Variants in CD177 observed in about 807,000 individuals in gnomAD.
CD177 encodes the protein CD177 molecule.
A neutral mutation model predicts 38.1 loss-of-function variants in CD177; 41 were observed. That is an observed-to-expected ratio of 1.07 (90% CI 0.84 to 1.39). The LOEUF (loss-of-function observed/expected upper bound fraction) is 1.39, where lower values mean the gene tolerates loss of function less well. Ranked by LOEUF, CD177 falls within the 40% of genes most tolerant of loss-of-function variation. The pLI is 0.00. For missense variants in CD177, 619 were observed against 523.8 expected, an observed-to-expected ratio of 1.18 and a Z score of -1.77; for synonymous variants, 236 against 216.7, an observed-to-expected ratio of 1.09 and a Z score of -0.78.
chr19:43,362,437 C>T lies in CD177; in HGVS notation c.*117C>T. The T allele has an allele frequency of 1.7e-6, 1 of 587,574 alleles. No homozygotes were observed. Among genetic ancestry groups the T allele is most frequent in the Non-Finnish European group, 3.0e-6 (1 of 328,890 alleles). The allele number at this position is 587,574 out of a possible 1,614,324, so 36.4% of individuals were successfully genotyped here. On this transcript the variant is annotated 3_prime_UTR_variant, in exon 9 of 9. Transcript: ENST00000618265. The stretch of plus-strand genomic sequence containing the variant: ...CTTTCCCATTCTGTCCATGAATCAT[C>T]TTCCCCACACACAATCATTCATATC...
At chr19:43,361,665 A>T in intron 8 of CD177, 86 bp downstream of exon 8, 1 of 1,373,354 alleles carries the variant, frequency 7.3e-7, no homozygotes, top group Non-Finnish European at 9.9e-7. Context: ...GGGGGCCTGG[A>T]CTCCTGGTCC....
In CD177 at chr19:43,354,236, GGCT is replaced by G. The variant is rs1224483962; in HGVS notation, c.226_228del (p.Cys76del). ...CCAAGTGAGCCTGGTGCTCTCCAAG[GGCT>G]GCACGGAGGCCAAGGACCAGGAGCC... On this transcript the variant is annotated inframe_deletion, in exon 3 of 9. Transcript: ENST00000618265. 1.9e-6 allele frequency: 3 copies of G among 1,613,610 alleles called. No homozygotes were observed. In the Admixed American group the frequency reaches 5.0e-5, roughly 27 times the overall value.
In CD177 at chr19:43,356,148, C is replaced by T. The variant is rs536501178; in HGVS notation, c.619+40C>T. 1,161 of 480,730 alleles carry T rather than the reference C, an allele frequency of 2.4e-3. 20 individuals are homozygous for T. In the African/African-American group the frequency reaches 0.031, roughly 13 times the overall value. 29.8% of individuals were successfully genotyped at this position (480,730 alleles called of 1,614,324 possible). A position where few individuals can be genotyped will look rare whatever the true frequency, so the allele number is the denominator to read the frequency against. On this transcript the variant is annotated intron_variant, in intron 5 of 8. Coordinates refer to ENST00000618265, the MANE Select transcript of CD177 (RefSeq NM_020406.4). ...TAGGCTGTGCCCTGGACTGCAGCCT[C>T]GGGGCACGATGACACATGGGGCATC...
chr19:43,355,166 T>G (rs1599876235), intron 3 of CD177, among the ~76,000 whole-genome samples: 1 of 136,762 alleles, frequency 7.3e-6, no homozygotes, highest in Admixed American at 8.2e-5. Flanking sequence ...CAGGCTGGAG[T>G]GCAGTGGCGC....
rs1438299930 is a variant in CD177, at chr19:43,355,978, C to A, written c.503-14C>A. The A allele has an allele frequency of 6.0e-6, 4 of 668,510 alleles. No individual in the cohort carries two copies. The highest frequency in any genetic ancestry group is 5.2e-5 in the South Asian group (3 of 57,854). 41.4% of individuals were successfully genotyped at this position (668,510 alleles called of 1,614,324 possible). ...GCAGCATCACTGACTCTCCCTCGCT[C>A]CCCCTTTCTGCAGGAGGCATCTTCT... On this transcript the variant is annotated splice_polypyrimidine_tract_variant and intron_variant, in intron 4 of 8. Transcript: ENST00000618265.
At chr19:43,361,824 G>A (rs1969971979) in intron 8 of CD177, among the ~76,000 whole-genome samples, 3 of 150,474 alleles carry the variant, frequency 2.0e-5, no homozygotes, top group African/African-American at 7.3e-5. Flanking sequence ...TGGTCTGAGG[G>A]AGGAGGGGCT....
At chr19:43,363,385 G>C (rs1970001894), downstream of CD177, among the ~76,000 whole-genome samples, 1 of 152,102 alleles carries the variant, frequency 6.6e-6, no homozygotes, top group African/African-American at 2.4e-5. Context: ...GAGAGAGAGA[G>C]AGAGAGAGAG....
intron 1 of CD177, 27 bp from the exon 2 acceptor site, chr19:43,353,826 G>T (rs1247810202): frequency 6.2e-7 from 1 of 1,613,778 alleles, no homozygotes; most frequent in Admixed American, 1.7e-5. Context: ...GAACCCTGCT[G>T]AGATGGATTT....
In CD177 at chr19:43,353,808, G is replaced by A. The variant is rs758921908; in HGVS notation, c.52+42G>A. On this transcript the variant is annotated intron_variant, in intron 1 of 8. Coordinates refer to ENST00000618265, the MANE Select transcript of CD177 (RefSeq NM_020406.4). ...GCCTGGAGGAGATTCCCTGGAGGCC[G>A]GGCAAGGGAACCCTGCTGAGATGGA... The A allele has an allele frequency of 6.1e-5, 98 of 1,613,458 alleles. 1 individual carries two copies. Among genetic ancestry groups the A allele is most frequent in the Admixed American group, 3.2e-4 (19 of 59,974 alleles).
rs1172953911 is a variant in CD177 at position 43,354,360 on chromosome 19, C to A, written c.347C>A (p.Ser116Tyr). Residue 116 changes from serine (S) to tyrosine (Y), a missense_variant, in exon 3 of 9, where the codon TCC becomes TAC. Coordinates refer to ENST00000618265, the MANE Select transcript of CD177 (RefSeq NM_020406.4). The part of the protein sequence containing the change: ...QEDFCNNLVN[S>Y]LPLWAPQPPA... ...GACTTCTGCAACAACCTCGTTAACTCCCTCCCGCTTTGGGCCCCACAGCCC... is the reference window on the plus strand; with the variant it reads ...GACTTCTGCAACAACCTCGTTAACTACCTCCCGCTTTGGGCCCCACAGCCC... 2 of 1,613,938 alleles carry A rather than the reference C, an allele frequency of 1.2e-6. No homozygotes were observed. The highest frequency in any genetic ancestry group is 2.2e-5 in the South Asian group (2 of 91,080).
At chr19:43,360,171 C>T in intron 5 of CD177, 94 bp from the exon 6 acceptor site, 1 of 1,452,542 alleles carries the variant, frequency 6.9e-7, no homozygotes, top group South Asian at 1.3e-5. Flanking sequence ...TGGAGTGTGA[C>T]TCAAGAGTGT....
chr19:43,355,218 A>G (rs1324451289), intron 3 of CD177, among the ~76,000 whole-genome samples: 1 of 140,154 alleles, frequency 7.1e-6, no homozygotes, highest in African/African-American at 2.7e-5. Context: ...GGTTCAAGCG[A>G]TTCTCCTGCG....
intron 6 of CD177, 45 bp downstream of exon 6, chr19:43,360,450 G>A: frequency 1.3e-6 from 2 of 1,537,102 alleles, no homozygotes; most frequent in African/African-American, 1.4e-5. Context: ...CCAAGTCCCT[G>A]GCAGCTCCCT....
chr19:43,354,551 C>T (rs1241620042), intron 3 of CD177, 159 bp downstream of exon 3: 4 of 730,636 alleles, frequency 5.5e-6, no homozygotes, highest in Non-Finnish European at 6.8e-6. Flanking sequence ...CGCCCCGCCC[C>T]GCTCCCTTTC....
At position 43,355,732 on chromosome 19, in the gene CD177, T is replaced by C. The variant is rs1418568941; in HGVS notation, c.451T>C (p.Cys151Arg). ...GCLEGTTEEI[C>R]PKGTTHCYDG... is the part of the protein sequence containing the mutation. ...TCTGGAGGGGACAACAGAAGAGATC[T>C]GCCCCAAGGGGACCACACACTGTTA... Residue 151 changes from cysteine to arginine, a missense_variant, in exon 4 of 9, where the codon TGC becomes CGC. Coordinates refer to ENST00000618265, the MANE Select transcript of CD177 (RefSeq NM_020406.4). The C allele has an allele frequency of 6.2e-7, 1 of 1,612,924 alleles. No homozygotes were observed. The highest frequency in any genetic ancestry group is 1.3e-5 in the African/African-American group (1 of 74,796).
downstream of CD177, among the ~76,000 whole-genome samples, chr19:43,365,974 T>C (rs1970023143): frequency 6.6e-6 from 1 of 152,126 alleles, no homozygotes. Context: ...CTGAACTTGA[T>C]TGCACTTGGC....
chr19:43,361,135 A>T lies in CD177; in HGVS notation c.761-8A>T. On this transcript the variant is annotated splice_region_variant and splice_polypyrimidine_tract_variant and intron_variant, in intron 6 of 8. Transcript: ENST00000618265. ...AGTCCCCAGCCCAGCTTTCCCTCTC[A>T]CCCTCAGGACTCACATCAACCCTGG... is the stretch of plus-strand genomic sequence containing the variant. 6.9e-7 allele frequency: 1 copy of T among 1,458,246 alleles called. No individual in the cohort carries two copies. The highest frequency in any genetic ancestry group is 1.1e-5 in the South Asian group (1 of 88,342). The allele number at this position is 1,458,246 out of a possible 1,614,324, so 90.3% of individuals were successfully genotyped here. A position where few individuals can be genotyped will look rare whatever the true frequency, so the allele number is the denominator to read the frequency against.
Position 43,354,296 on chromosome 19 carries a change from C to A in CD177, c.283C>A (p.Leu95Ile), listed in dbSNP as rs748043201. 1.2e-5 allele frequency: 19 copies of A among 1,613,850 alleles called. No homozygotes were observed. The highest frequency in any genetic ancestry group is 1.4e-5 in the Non-Finnish European group (17 of 1,179,896). Reference protein sequence around the residue: ...RVTEHRMGPGLSLISYTFVCR... With the variant: ...RVTEHRMGPGISLISYTFVCR... ...CACTGAGCACCGGATGGGCCCCGGC[C>A]TCTCCCTGATCTCCTACACCTTCGT... Residue 95 changes from leucine (L) to isoleucine (I), a missense_variant, in exon 3 of 9, where the codon CTC becomes ATC. Transcript: ENST00000618265.
chr19:43,355,585 G>T, intron 3 of CD177, 76 bp from the exon 4 acceptor site: 1 of 1,591,162 alleles, frequency 6.3e-7, no homozygotes, highest in Non-Finnish European at 8.6e-7. Flanking sequence ...GCCAGCAAAA[G>T]TGGGGTGCAG....
Sources: gnomAD v4.1 joint callset for allele counts (sites outside exome capture counted in the v4.1 genomes callset) on GRCh38, gnomAD v4.1.1 for gene constraint, MANE v1.5 for transcripts, NCBI Gene and HGNC (gene_info 2026-07-23, HGNC 2026-07-21) for gene names.